CIMAP1D: variants seen among roughly 807,000 people sequenced by gnomAD.
CIMAP1D encodes the protein protein CIMAP1D.
At chr19:480,273 C>T in the CIMAP1D span, among the ~76,000 whole-genome samples, 2 of 152,216 alleles carry the variant, frequency 1.3e-5, no homozygotes, top group Admixed American at 6.5e-5. Flanking sequence ...GCCGATGCGG[C>T]GGGTCCTGCA....
At chr19:472,238 A>G in the CIMAP1D span, among the ~76,000 whole-genome samples, 1 of 152,128 alleles carries the variant, frequency 6.6e-6, no homozygotes, top group East Asian at 1.9e-4. Flanking sequence ...GTCTCACAGT[A>G]AGTAGGAGGT....
At chr19:481,486 TG>T in the CIMAP1D span, among the ~76,000 whole-genome samples, 1 of 53,322 alleles carries the variant, frequency 1.9e-5, no homozygotes. Flanking sequence ...GGAAGGATGA[TG>T]GGAAGGATGA....
chr19:477,435 A>G, the CIMAP1D span, among the ~76,000 whole-genome samples: 1 of 151,986 alleles, frequency 6.6e-6, no homozygotes, highest in Non-Finnish European at 1.5e-5. Context: ...TTAGCTGGGC[A>G]CAGTGGTGCA....
At chr19:483,778 G>C in the CIMAP1D span, among the ~76,000 whole-genome samples, 1 of 152,202 alleles carries the variant, frequency 6.6e-6, no homozygotes, top group African/African-American at 2.4e-5. Context: ...ATCCCCATGG[G>C]GCCGGCTCTG....
the CIMAP1D span, among the ~76,000 whole-genome samples, chr19:482,671 G>A: frequency 1.3e-5 from 2 of 152,098 alleles, no homozygotes; most frequent in Admixed American, 6.6e-5. Context: ...GCTCACAGGC[G>A]CCACCCCACG....
the CIMAP1D span, chr19:463,730 G>A: frequency 7.0e-7 from 1 of 1,430,872 alleles, no homozygotes; most frequent in Admixed American, 2.4e-5. Flanking sequence ...GTTCAGGAAA[G>A]GGGAGGGAAG....
chr19:482,898 C>T, the CIMAP1D span, among the ~76,000 whole-genome samples: 2 of 152,210 alleles, frequency 1.3e-5, no homozygotes, highest in Admixed American at 6.5e-5. Context: ...ACCTCCTTTA[C>T]AATTTCCTGC....
the CIMAP1D span, among the ~76,000 whole-genome samples, chr19:489,019 G>GC: frequency 6.6e-6 from 1 of 152,192 alleles, no homozygotes; most frequent in East Asian, 1.9e-4. Flanking sequence ...GGCTAGAGCG[G>GC]CCCCGCCAGC....
the CIMAP1D span, among the ~76,000 whole-genome samples, chr19:472,106 C>T: frequency 6.6e-6 from 1 of 152,196 alleles, no homozygotes; most frequent in East Asian, 1.9e-4. Context: ...TGCCTGAGTC[C>T]AGGCAGCAAG....
the CIMAP1D span, chr19:467,616 G>T: frequency 7.2e-7 from 1 of 1,392,684 alleles, no homozygotes; most frequent in Non-Finnish European, 1.0e-6. Flanking sequence ...TGGAAAGCAG[G>T]TCCTTGTGCG....
chr19:489,890 C>T, the CIMAP1D span: 2 of 389,038 alleles, frequency 5.1e-6, no homozygotes, highest in Non-Finnish European at 9.1e-6. Context: ...AGCCAGGAGG[C>T]TGCGGCTCTG....
At chr19:490,082 G>A in the CIMAP1D span, 1 of 398,050 alleles carries the variant, frequency 2.5e-6, no homozygotes, top group Non-Finnish European at 4.4e-6. Context: ...AAGGCCGGGC[G>A]CGTTGGCTCA....
At chr19:467,340 T>C in the CIMAP1D span, among the ~76,000 whole-genome samples, 1 of 151,822 alleles carries the variant, frequency 6.6e-6, no homozygotes, top group African/African-American at 2.4e-5. Context: ...GTTGGGTGCC[T>C]GTGAAGGATA....
the CIMAP1D span, among the ~76,000 whole-genome samples, chr19:475,360 AAGG>A: frequency 6.6e-6 from 1 of 152,222 alleles, no homozygotes; most frequent in Non-Finnish European, 1.5e-5. Flanking sequence ...GACGGAAAAG[AAGG>A]AGATGTTCTC....
the CIMAP1D span, among the ~76,000 whole-genome samples, chr19:486,550 C>A: frequency 6.6e-6 from 1 of 151,916 alleles, no homozygotes; most frequent in African/African-American, 2.4e-5. Context: ...AGGCGATTCT[C>A]CTGCCTCAGC....
the CIMAP1D span, chr19:463,769 A>G: frequency 2.0e-6 from 3 of 1,527,424 alleles, no homozygotes; most frequent in Non-Finnish European, 2.6e-6. Context: ...CTCGCCTTCT[A>G]GCCCCTCCAG....
At chr19:488,478 C>T in the CIMAP1D span, among the ~76,000 whole-genome samples, 1 of 152,138 alleles carries the variant, frequency 6.6e-6, no homozygotes, top group Non-Finnish European at 1.5e-5. Flanking sequence ...GCCGAGATGG[C>T]GCCACTGCAC....
At chr19:478,409 G>A in the CIMAP1D span, among the ~76,000 whole-genome samples, 5 of 152,262 alleles carry the variant, frequency 3.3e-5, 1 homozygote, top group South Asian at 8.3e-4. Context: ...ACGTGGGGTG[G>A]AACCAAAAGC....
chr19:481,637 G>A, the CIMAP1D span, among the ~76,000 whole-genome samples: 1 of 151,676 alleles, frequency 6.6e-6, no homozygotes. Flanking sequence ...GATGATTGGA[G>A]GATGATGGGA....
Sources: allele counts gnomAD v4.1 joint callset (sites outside exome capture counted in the v4.1 genomes callset), GRCh38; gene constraint gnomAD v4.1.1; transcripts MANE v1.5; gene names NCBI Gene and HGNC (gene_info 2026-07-23, HGNC 2026-07-21).